WWOX: variants seen among roughly 807,000 people sequenced by gnomAD.
The protein encoded by WWOX is WW domain containing oxidoreductase, also known as WW domain-containing oxidoreductase.
A neutral mutation model predicts 46.2 loss-of-function variants in WWOX; 69 were observed. The ratio of observed to expected loss-of-function variants is 1.49; its 90% CI spans 1.23 to 1.82. The LOEUF is 1.82. WWOX is among the 40% of genes most tolerant of loss of function. The pLI is 0.00. For missense variants in WWOX, 919 were observed against 542.6 expected (o/e 1.69, Z -6.89); for synonymous variants, 359 against 202.6 (o/e 1.77, Z -6.56).
At chr16:78,107,072 T>G (rs1174600896) in intron 1 of WWOX, among the ~76,000 whole-genome samples, 1 of 152,268 alleles carries the variant, frequency 6.6e-6, no homozygotes, top group Non-Finnish European at 1.5e-5. Flanking sequence ...GTGCTCTCTG[T>G]ATTTATTTTC....
chr16:79,007,796 T>G (rs955710020), intron 8 of WWOX, among the ~76,000 whole-genome samples: 8 of 152,242 alleles, frequency 5.3e-5, no homozygotes, highest in Admixed American at 3.9e-4. Context: ...TATTTATCAT[T>G]GACTAATAAT....
At chr16:78,558,944 C>G (rs1037769875) in intron 8 of WWOX, among the ~76,000 whole-genome samples, 15 of 152,222 alleles carry the variant, frequency 9.9e-5, no homozygotes, top group African/African-American at 3.6e-4. Flanking sequence ...TTGTGGTTAT[C>G]TGTTTAATTC....
chr16:79,035,843 C>T (rs1294553251), intron 8 of WWOX, among the ~76,000 whole-genome samples: 1 of 152,242 alleles, frequency 6.6e-6, no homozygotes, highest in South Asian at 2.1e-4. Flanking sequence ...AGGGATCCTG[C>T]CTCTGCCTCC....
chr16:78,617,276 C>T (rs568702673), intron 8 of WWOX, among the ~76,000 whole-genome samples: 148 of 151,940 alleles, frequency 9.7e-4, no homozygotes, highest in African/African-American at 3.5e-3. Flanking sequence ...GTGGCGTGCA[C>T]CTGTGGCCTC....
chr16:78,765,385 C>A (rs144249872), intron 8 of WWOX, among the ~76,000 whole-genome samples: 1 of 152,144 alleles, frequency 6.6e-6, no homozygotes, highest in Admixed American at 6.5e-5. Context: ...GAAATTTCCA[C>A]GTAAGATTCG....
At chr16:78,600,085 A>G (rs112027351) in intron 8 of WWOX, among the ~76,000 whole-genome samples, 8 of 152,246 alleles carry the variant, frequency 5.3e-5, no homozygotes, top group African/African-American at 1.9e-4. Flanking sequence ...GGCAGCAGGC[A>G]AAGAGTGAGC....
chr16:78,409,308 C>T (rs574034118), intron 6 of WWOX, among the ~76,000 whole-genome samples: 1 of 152,274 alleles, frequency 6.6e-6, no homozygotes, highest in Non-Finnish European at 1.5e-5. Flanking sequence ...GCCATCATCA[C>T]TGTCAAGATA....
chr16:78,992,213 C>G (rs577043982), intron 8 of WWOX, among the ~76,000 whole-genome samples: 16 of 152,330 alleles, frequency 1.1e-4, no homozygotes, highest in Non-Finnish European at 1.8e-4. Context: ...CACTATTCTT[C>G]TAGGCTTTGT....
chr16:78,705,051 T>C (rs1018253653), intron 8 of WWOX, among the ~76,000 whole-genome samples: 1 of 152,274 alleles, frequency 6.6e-6, no homozygotes, highest in South Asian at 2.1e-4. Context: ...CCATGACTTT[T>C]GCATGCTGAA....
intron 8 of WWOX, among the ~76,000 whole-genome samples, chr16:78,908,675 G>A (rs192400154): frequency 4.6e-5 from 7 of 152,262 alleles, no homozygotes; most frequent in East Asian, 3.9e-4. Flanking sequence ...AGAGGGTCAG[G>A]GAATGGGGAG....
chr16:78,825,619 T>G, intron 8 of WWOX: 1 of 521,428 alleles, frequency 1.9e-6, no homozygotes, highest in Non-Finnish European at 3.8e-6. Context: ...GGGCTTACTG[T>G]GCGGAGGGCC....
chr16:78,783,786 T>C (rs1431534337), intron 8 of WWOX, among the ~76,000 whole-genome samples: 2 of 151,874 alleles, frequency 1.3e-5, no homozygotes, highest in Non-Finnish European at 2.9e-5. Flanking sequence ...ATGGTGGTGA[T>C]GGTGATAGGA....
intron 8 of WWOX, among the ~76,000 whole-genome samples, chr16:78,875,349 C>G (rs752544814): frequency 9.2e-5 from 14 of 152,166 alleles, no homozygotes; most frequent in Non-Finnish European, 1.6e-4. Flanking sequence ...CCTTCTCTAG[C>G]TTTATGATGC....
chr16:78,416,143 G>C (rs1422436754), intron 6 of WWOX, among the ~76,000 whole-genome samples: 2 of 152,210 alleles, frequency 1.3e-5, no homozygotes, highest in Admixed American at 6.5e-5. Flanking sequence ...ATGCTGACTA[G>C]TAACATCAGT....
intron 4 of WWOX, chr16:78,123,428 G>GTTTTTTT (rs1330107026): frequency 8.2e-5 from 5 of 61,080 alleles, no homozygotes; most frequent in South Asian, 4.9e-4. Context: ...TTTTTTCTTT[G>GTTTTTTT]TTTTTTGTTT....
intron 8 of WWOX, among the ~76,000 whole-genome samples, chr16:78,608,664 C>T (rs1487977753): frequency 1.3e-5 from 2 of 152,130 alleles, no homozygotes; most frequent in African/African-American, 4.8e-5. Flanking sequence ...CAGTTGGCGT[C>T]CACCCTTGGT....
At chr16:78,336,442 G>T (rs367578045) in intron 5 of WWOX, among the ~76,000 whole-genome samples, 1 of 143,472 alleles carries the variant, frequency 7.0e-6, no homozygotes, top group Non-Finnish European at 1.5e-5. Context: ...GGAGGTGAAC[G>T]TTGCAGTGAG....
chr16:78,622,148 G>A (rs2151645552), intron 8 of WWOX, among the ~76,000 whole-genome samples: 1 of 152,184 alleles, frequency 6.6e-6, no homozygotes, highest in East Asian at 1.9e-4. Flanking sequence ...ATGACTATTG[G>A]GAAGAAATTT....
At chr16:78,871,308 A>G (rs1324691637) in intron 8 of WWOX, among the ~76,000 whole-genome samples, 1 of 152,160 alleles carries the variant, frequency 6.6e-6, no homozygotes. Flanking sequence ...GAACCTGCTG[A>G]ATAACCATGT....
Sources: allele counts gnomAD v4.1 joint callset (sites outside exome capture counted in the v4.1 genomes callset), GRCh38; gene constraint gnomAD v4.1.1; transcripts MANE v1.5; gene names NCBI Gene and HGNC (gene_info 2026-07-23, HGNC 2026-07-21).